LOC128706665: variants seen among roughly 807,000 people sequenced by gnomAD.
the LOC128706665 span, among the ~76,000 whole-genome samples, chr20:10,416,416 C>T: frequency 6.0e-5 from 9 of 151,218 alleles, no homozygotes; most frequent in African/African-American, 1.2e-4. Context: ...ATCACAAGGA[C>T]AAAGGAAAAA....
At chr20:10,423,130 A>T in the LOC128706665 span, among the ~76,000 whole-genome samples, 1 of 152,082 alleles carries the variant, frequency 6.6e-6, no homozygotes, top group African/African-American at 2.4e-5. Context: ...AGGAAAAAAA[A>T]CCCTAGCTTA....
the LOC128706665 span, among the ~76,000 whole-genome samples, chr20:10,426,561 G>A: frequency 2.0e-5 from 3 of 152,132 alleles, no homozygotes; most frequent in African/African-American, 4.8e-5. Flanking sequence ...CACCATGCCC[G>A]ACTAATTTTT....
chr20:10,431,851 C>T, the LOC128706665 span: 1 of 152,212 alleles, frequency 6.6e-6, no homozygotes, highest in South Asian at 2.1e-4. Context: ...TATTCTTCTG[C>T]TTCAGCTCTT....
At chr20:10,428,799 G>A in the LOC128706665 span, among the ~76,000 whole-genome samples, 4 of 152,186 alleles carry the variant, frequency 2.6e-5, no homozygotes, top group East Asian at 1.9e-4. Flanking sequence ...AGTCGAGATC[G>A]CGCCATTGCA....
At chr20:10,422,419 T>C in the LOC128706665 span, among the ~76,000 whole-genome samples, 3 of 152,156 alleles carry the variant, frequency 2.0e-5, no homozygotes, top group Non-Finnish European at 4.4e-5. Context: ...ATAATTAAAT[T>C]TCATTGTGAA....
chr20:10,429,006 T>G, the LOC128706665 span, among the ~76,000 whole-genome samples: 1 of 152,186 alleles, frequency 6.6e-6, no homozygotes, highest in South Asian at 2.1e-4. Context: ...CTTTCTCTTT[T>G]GCATAACTAT....
chr20:10,418,141 T>C, the LOC128706665 span, among the ~76,000 whole-genome samples: 365 of 152,358 alleles, frequency 2.4e-3, 2 homozygotes, highest in Non-Finnish European at 3.0e-3. Context: ...GTGTGTTTAT[T>C]CTTACTGTTA....
the LOC128706665 span, among the ~76,000 whole-genome samples, chr20:10,431,406 A>G: frequency 2.0e-5 from 3 of 152,164 alleles, no homozygotes; most frequent in Non-Finnish European, 4.4e-5. Context: ...CAAGACTACT[A>G]GCCTCAGGGG....
chr20:10,432,373 C>T, the LOC128706665 span, among the ~76,000 whole-genome samples: 1 of 152,206 alleles, frequency 6.6e-6, no homozygotes, highest in Non-Finnish European at 1.5e-5. Flanking sequence ...TCAGGAAACC[C>T]AACCTAGGAC....
the LOC128706665 span, chr20:10,413,873 A>G: frequency 7.0e-6 from 3 of 428,990 alleles, no homozygotes; most frequent in South Asian, 1.6e-4. Context: ...TTCTAATCCA[A>G]CTGGTATTTT....
At chr20:10,427,029 G>C in the LOC128706665 span, among the ~76,000 whole-genome samples, 5 of 130,726 alleles carry the variant, frequency 3.8e-5, no homozygotes, top group African/African-American at 6.2e-5. Context: ...AGAAAACACT[G>C]ACACACACAC....
the LOC128706665 span, among the ~76,000 whole-genome samples, chr20:10,430,565 A>G: frequency 3.9e-5 from 6 of 152,204 alleles, no homozygotes; most frequent in Non-Finnish European, 7.3e-5. Context: ...GGTCCCCATA[A>G]AGGAAGGCCC....
At chr20:10,427,411 A>C in the LOC128706665 span, among the ~76,000 whole-genome samples, 1 of 152,238 alleles carries the variant, frequency 6.6e-6, no homozygotes, top group Non-Finnish European at 1.5e-5. Flanking sequence ...CATGAGAAGA[A>C]CATTAGATAG....
the LOC128706665 span, among the ~76,000 whole-genome samples, chr20:10,430,074 C>A: frequency 6.6e-6 from 1 of 152,198 alleles, no homozygotes; most frequent in Non-Finnish European, 1.5e-5. Context: ...TGGTTGTATT[C>A]CTGCTTTGCT....
chr20:10,431,343 A>T, the LOC128706665 span, among the ~76,000 whole-genome samples: 32 of 152,180 alleles, frequency 2.1e-4, no homozygotes, highest in Non-Finnish European at 4.0e-4. Context: ...CACTTCAAAT[A>T]TGTACAAGAT....
At chr20:10,433,569 G>A in the LOC128706665 span, among the ~76,000 whole-genome samples, 4 of 152,204 alleles carry the variant, frequency 2.6e-5, no homozygotes, top group Admixed American at 2.6e-4. Flanking sequence ...TCTTATCGGG[G>A]AGGAAGACGA....
chr20:10,420,361 G>A, the LOC128706665 span, among the ~76,000 whole-genome samples: 22 of 152,198 alleles, frequency 1.4e-4, no homozygotes, highest in South Asian at 3.3e-3. Flanking sequence ...TCTGCACAAC[G>A]AACTTTTCTA....
chr20:10,419,792 C>T, the LOC128706665 span, among the ~76,000 whole-genome samples: 1 of 152,050 alleles, frequency 6.6e-6, no homozygotes, highest in Admixed American at 6.6e-5. Flanking sequence ...GTAGAATATC[C>T]CAGGATTTCA....
the LOC128706665 span, among the ~76,000 whole-genome samples, chr20:10,430,486 T>C: frequency 6.6e-6 from 1 of 152,194 alleles, no homozygotes; most frequent in African/African-American, 2.4e-5. Context: ...AAAAAAACAT[T>C]ACTGGAATTA....
Sources: allele counts gnomAD v4.1 joint callset (sites outside exome capture counted in the v4.1 genomes callset), GRCh38; gene constraint gnomAD v4.1.1; transcripts MANE v1.5.